Variants in PCSK5 observed in about 807,000 individuals in gnomAD.
PCSK5 encodes the protein proprotein convertase subtilisin/kexin type 5.
PCSK5 carries 129 observed loss-of-function variants against 233.2 expected under a neutral mutation model. The observed-to-expected ratio is 0.55, with a 90% CI of 0.48 to 0.64. PCSK5 has a LOEUF of 0.64. PCSK5 is among the 30% of genes least tolerant of loss of function. PCSK5 has a pLI of 0.00. For missense variants in PCSK5, 2,076 were observed against 2,430.1 expected (o/e 0.85, Z 3.06); for synonymous variants, 825 against 879.2 (o/e 0.94, Z 1.09).
chr9:76,272,361 C>T (rs190561676), intron 24 of PCSK5, among the ~76,000 whole-genome samples: 3 of 152,182 alleles, frequency 2.0e-5, no homozygotes, highest in Admixed American at 2.0e-4. Context: ...CAGTCTTCTT[C>T]TATTCTCTCA....
intron 2 of PCSK5, among the ~76,000 whole-genome samples, chr9:75,952,861 A>C (rs542325679): frequency 6.6e-6 from 1 of 152,190 alleles, no homozygotes; most frequent in Non-Finnish European, 1.5e-5. Flanking sequence ...TGATCCATTC[A>C]CCAGTTGAAG....
At chr9:76,193,159 C>T in intron 20 of PCSK5, 1 of 1,321,326 alleles carries the variant, frequency 7.6e-7, no homozygotes, top group South Asian at 1.4e-5. Flanking sequence ...TCTGGCCAAT[C>T]ACAACCTTCT....
chr9:75,892,854 G>A (rs1825671142), intron 1 of PCSK5, among the ~76,000 whole-genome samples: 2 of 152,234 alleles, frequency 1.3e-5, no homozygotes, highest in African/African-American at 4.8e-5. Context: ...GGAGAACTGA[G>A]ACTAGGGCAA....
chr9:76,358,499 T>C lies in PCSK5; in HGVS notation c.5255-14T>C. ...TTCCCTCTTGCCTCTTCCTTTGAGGTCTTCTTCCAACAGACGAATGCATCC... is the reference window on the plus strand; with the variant it reads ...TTCCCTCTTGCCTCTTCCTTTGAGGCCTTCTTCCAACAGACGAATGCATCC... On this transcript the variant is annotated splice_polypyrimidine_tract_variant and intron_variant, in intron 37 of 37. Coordinates refer to ENST00000674117, the MANE Select transcript of PCSK5 (RefSeq NM_001372043.1). 1.3e-6 allele frequency: 2 copies of C among 1,596,176 alleles called. No homozygotes were observed. The highest frequency in any genetic ancestry group is 1.7e-6 in the Non-Finnish European group (2 of 1,166,880).
chr9:76,080,619 G>T (rs924264649), intron 7 of PCSK5, among the ~76,000 whole-genome samples: 14 of 152,142 alleles, frequency 9.2e-5, no homozygotes, highest in African/African-American at 3.4e-4. Context: ...GGTGGTTAAA[G>T]TACCCAGACC....
rs1260384862 is a variant in PCSK5 at position 76,277,230 on chromosome 9, C to CAAT, written c.3143-14990_3143-14988dup. ...ACAGAGTGAGACTCCATCTCAAAAA[C>CAAT]AATAATAATAATAATCTAATTTTTT... is the stretch of plus-strand genomic sequence containing the variant. On this transcript the variant is annotated intron_variant, in intron 24 of 37. Transcript: ENST00000674117. Among the ~76,000 whole-genome samples, 6 of 152,064 alleles carry CAAT rather than the reference C, an allele frequency of 3.9e-5. No individual in the cohort carries two copies. The South Asian group carries it at 1.0e-3, about 26-fold the overall frequency.
intron 24 of PCSK5, among the ~76,000 whole-genome samples, chr9:76,282,064 C>CT (rs570775997): frequency 1.5e-3 from 126 of 83,126 alleles, no homozygotes; most frequent in Middle Eastern, 0.02. Context: ...TTTTTTCTTT[C>CT]TTTTTTTTTT....
chr9:76,082,933 G>A (rs955764057), intron 7 of PCSK5, among the ~76,000 whole-genome samples: 1 of 151,922 alleles, frequency 6.6e-6, no homozygotes, highest in African/African-American at 2.4e-5. Flanking sequence ...TTAAGACCGG[G>A]CACGGTGGCT....
At chr9:75,890,585 G>A (rs974584785), upstream of PCSK5, 16 of 152,982 alleles carry the variant, frequency 1.0e-4, no homozygotes, top group African/African-American at 3.9e-4. Context: ...GAGGGCGGAG[G>A]AGGGAGAGGA....
At chr9:76,281,662 A>G (rs906217821) in intron 24 of PCSK5, among the ~76,000 whole-genome samples, 1 of 152,110 alleles carries the variant, frequency 6.6e-6, no homozygotes, top group Admixed American at 6.6e-5. Flanking sequence ...AAGTATTATT[A>G]TTTTGAAACA....
intron 5 of PCSK5, among the ~76,000 whole-genome samples, chr9:76,052,378 T>C (rs1829661815): frequency 6.6e-6 from 1 of 152,172 alleles, no homozygotes; most frequent in Non-Finnish European, 1.5e-5. Context: ...CAGTTCCACA[T>C]GGCCGGGAAG....
chr9:76,174,003 C>A (rs1823460204), intron 13 of PCSK5, among the ~76,000 whole-genome samples: 1 of 151,928 alleles, frequency 6.6e-6, no homozygotes, highest in Non-Finnish European at 1.5e-5. Context: ...TGCACATAGA[C>A]CCATAGAACA....
intron 2 of PCSK5, among the ~76,000 whole-genome samples, chr9:75,934,591 T>A (rs547590056): frequency 4.7e-5 from 7 of 148,258 alleles, no homozygotes; most frequent in East Asian, 2.0e-4. Context: ...TTTTTTAAAT[T>A]TTTTTTTTAA....
intron 7 of PCSK5, among the ~76,000 whole-genome samples, chr9:76,086,030 A>G (rs1489200311): frequency 6.6e-6 from 1 of 152,192 alleles, no homozygotes; most frequent in Non-Finnish European, 1.5e-5. Flanking sequence ...ATACATTTAA[A>G]GGTGATACAC....
intron 5 of PCSK5, among the ~76,000 whole-genome samples, chr9:76,030,769 C>CT (rs79253371): frequency 3.9e-4 from 58 of 149,464 alleles, no homozygotes; most frequent in East Asian, 7.9e-4. Flanking sequence ...TTTAAAACTG[C>CT]TTTTTTTTTT....
chr9:76,284,043 T>C (rs969593705), intron 24 of PCSK5, among the ~76,000 whole-genome samples: 2 of 152,062 alleles, frequency 1.3e-5, no homozygotes, highest in Admixed American at 1.3e-4. Flanking sequence ...AGCTCAGATG[T>C]AGCATTTGGT....
chr9:76,226,174 T>C (rs1825883955), intron 20 of PCSK5, among the ~76,000 whole-genome samples: 2 of 152,214 alleles, frequency 1.3e-5, no homozygotes, highest in African/African-American at 2.4e-5. Flanking sequence ...TTTGCATCAC[T>C]CTGAACATGC....
intron 5 of PCSK5, among the ~76,000 whole-genome samples, chr9:76,064,145 C>G (rs1164851843): frequency 3.4e-4 from 31 of 91,332 alleles, no homozygotes; most frequent in Non-Finnish European, 7.2e-5. Context: ...CTGACCCCCC[C>G]ACCTCCCTCC....
intron 17 of PCSK5, among the ~76,000 whole-genome samples, chr9:76,185,289 G>A (rs1824053270): frequency 6.6e-6 from 1 of 152,166 alleles, no homozygotes; most frequent in African/African-American, 2.4e-5. Context: ...CATTGCTAAA[G>A]CTCAATAGTT....
Sources: allele counts gnomAD v4.1 joint callset (sites outside exome capture counted in the v4.1 genomes callset), GRCh38; gene constraint gnomAD v4.1.1; transcripts MANE v1.5; gene names NCBI Gene and HGNC (gene_info 2026-07-23, HGNC 2026-07-21).